KSR2: variants seen among roughly 807,000 people sequenced by gnomAD.
The protein encoded by KSR2 is kinase suppressor of ras 2.
KSR2 carries 25 observed loss-of-function variants against 107.8 expected under a neutral mutation model. That is an observed-to-expected ratio of 0.23 (90% CI 0.17 to 0.32). The LOEUF (loss-of-function observed/expected upper bound fraction) is 0.32, where lower values mean the gene tolerates loss of function less well. Ranked by LOEUF, KSR2 falls within the 10% of genes least tolerant of loss-of-function variation. KSR2 has a pLI of 1.00. For missense variants in KSR2, 887 were observed against 1,268.9 expected (o/e 0.70, Z 4.57); for synonymous variants, 480 against 507.0 (o/e 0.95, Z 0.71).
intron 3 of KSR2, among the ~76,000 whole-genome samples, chr12:117,792,665 G>C: frequency 6.6e-6 from 1 of 152,212 alleles, no homozygotes; most frequent in East Asian, 1.9e-4. Context: ...CCCTGTGTCT[G>C]AATCATCCTA....
At chr12:117,610,694 G>A (rs142569112) in intron 5 of KSR2, among the ~76,000 whole-genome samples, 1,935 of 144,144 alleles carry the variant, frequency 0.013, 34 homozygotes, top group East Asian at 0.095. Context: ...AGCCATGATT[G>A]CACCACTGCA....
chr12:117,791,392 C>CA (rs1165179564), intron 3 of KSR2, among the ~76,000 whole-genome samples: 1 of 152,148 alleles, frequency 6.6e-6, no homozygotes, highest in African/African-American at 2.4e-5. Context: ...CCAGTTTATT[C>CA]ATTTACTATC....
intron 4 of KSR2, among the ~76,000 whole-genome samples, chr12:117,687,136 G>T (rs1198241397): frequency 2.6e-5 from 4 of 152,186 alleles, no homozygotes; most frequent in African/African-American, 7.2e-5. Flanking sequence ...CTTCCAGCAC[G>T]ACCTTGGGCA....
intron 5 of KSR2, among the ~76,000 whole-genome samples, chr12:117,644,706 G>C (rs1593085981): frequency 6.6e-6 from 1 of 152,168 alleles, no homozygotes; most frequent in African/African-American, 2.4e-5. Context: ...GACACTCTCT[G>C]AAAGTACAAT....
intron 9 of KSR2, among the ~76,000 whole-genome samples, chr12:117,553,493 G>A (rs749362749): frequency 2.0e-5 from 3 of 152,120 alleles, no homozygotes; most frequent in Non-Finnish European, 2.9e-5. Flanking sequence ...TGGGAAGGGG[G>A]CAATCCTCTC....
At chr12:117,599,591 C>G (rs1189743769) in intron 5 of KSR2, among the ~76,000 whole-genome samples, 1 of 152,114 alleles carries the variant, frequency 6.6e-6, no homozygotes, top group Non-Finnish European at 1.5e-5. Context: ...CATTGTAAGA[C>G]AGTCAGCAGC....
chr12:117,869,805 A>C (rs1338431394), intron 1 of KSR2, among the ~76,000 whole-genome samples: 1 of 152,232 alleles, frequency 6.6e-6, no homozygotes, highest in Non-Finnish European at 1.5e-5. Context: ...CAACGACAAT[A>C]AAGCATTTTC....
intron 4 of KSR2, among the ~76,000 whole-genome samples, chr12:117,700,147 C>T (rs1329754267): frequency 2.0e-5 from 3 of 152,158 alleles, no homozygotes; most frequent in Non-Finnish European, 4.4e-5. Flanking sequence ...TTCCAAAGCA[C>T]TCCATTATAA....
intron 1 of KSR2, among the ~76,000 whole-genome samples, chr12:117,876,302 T>C (rs1168974623): frequency 6.6e-6 from 1 of 152,216 alleles, no homozygotes; most frequent in Non-Finnish European, 1.5e-5. Flanking sequence ...AATCCCCTGC[T>C]GAGGGAGGGC....
rs1245017935 is a variant in KSR2, at chr12:117,968,127, G to C, written c.129C>G (p.Thr43=). The change falls in exon 1 of 20, where the codon ACC becomes ACG. Residue 43 remains threonine (T), a synonymous_variant. Transcript: ENST00000339824. Reference sequence around the variant, plus strand: ...TGAGGTCGTTGGAGGTAGCACATTTGGTCCTAAGCCCTTCCAGGTTGGAGA... The same window carrying C: ...TGAGGTCGTTGGAGGTAGCACATTTCGTCCTAAGCCCTTCCAGGTTGGAGA... The part of the protein sequence containing the change: ...LSISNLEGLR[T]KCATSNDLTQ... 6.3e-7 allele frequency: 1 copy of C among 1,581,598 alleles called. No homozygotes were observed. The highest frequency in any genetic ancestry group is 1.4e-5 in the African/African-American group (1 of 71,136).
chr12:117,676,155 C>G (rs999261430), intron 4 of KSR2, among the ~76,000 whole-genome samples: 7 of 152,200 alleles, frequency 4.6e-5, no homozygotes, highest in African/African-American at 1.7e-4. Context: ...AGCAAAGCCC[C>G]ATTAAGTGTA....
Position 117,525,157 on chromosome 12 carries a change from G to C in KSR2, c.1914C>G (p.Ser638=). Residue 638 remains serine, a synonymous_variant, in exon 14 of 20, where the codon TCC becomes TCG. Coordinates refer to ENST00000339824, the MANE Select transcript of KSR2 (RefSeq NM_173598.6). ...SEDDFEEMNL[S]LLSARSFPRK... ...GTGGGAAGCTCCGGGCCGAGAGGAGGGACAGGTTCATCTCCTCGAAGTCAT... is the reference window on the plus strand; with the variant it reads ...GTGGGAAGCTCCGGGCCGAGAGGAGCGACAGGTTCATCTCCTCGAAGTCAT... 1 of 1,613,888 alleles carries C rather than the reference G, an allele frequency of 6.2e-7. No homozygotes were observed. The highest frequency in any genetic ancestry group is 2.2e-5 in the East Asian group (1 of 44,862).
chr12:117,636,378 GAT>G (rs10540372), intron 5 of KSR2, among the ~76,000 whole-genome samples: 16,177 of 150,484 alleles, frequency 0.11, 975 homozygotes, highest in African/African-American at 0.15. Context: ...TGTATATGGA[GAT>G]ATATATATAT....
chr12:117,522,435 A>C (rs1188264858), intron 14 of KSR2, among the ~76,000 whole-genome samples: 1 of 152,182 alleles, frequency 6.6e-6, no homozygotes, highest in Non-Finnish European at 1.5e-5. Context: ...ACCACCCTCC[A>C]ACCAGACTTG....
intron 10 of KSR2, among the ~76,000 whole-genome samples, chr12:117,535,317 T>G (rs1222818066): frequency 1.3e-5 from 2 of 152,218 alleles, no homozygotes; most frequent in East Asian, 3.8e-4. Flanking sequence ...TGTTGGGCTT[T>G]GAATGTGGAG....
intron 9 of KSR2, among the ~76,000 whole-genome samples, chr12:117,549,464 T>G (rs995037312): frequency 6.6e-6 from 1 of 152,134 alleles, no homozygotes; most frequent in Non-Finnish European, 1.5e-5. Flanking sequence ...AGGCTTGTGC[T>G]TCTACATGGA....
chr12:117,776,698 C>A (rs1260275879), intron 3 of KSR2, among the ~76,000 whole-genome samples: 3 of 151,978 alleles, frequency 2.0e-5, no homozygotes, highest in African/African-American at 7.3e-5. Context: ...AGGCACAATA[C>A]CCTGAACATC....
chr12:117,692,636 A>AAT (rs1383671725), intron 4 of KSR2, among the ~76,000 whole-genome samples: 1 of 151,892 alleles, frequency 6.6e-6, no homozygotes, highest in Non-Finnish European at 1.5e-5. Context: ...CAGTAGCTAA[A>AAT]ATATGGAAAC....
intron 1 of KSR2, among the ~76,000 whole-genome samples, chr12:117,862,531 C>T (rs1382076251): frequency 6.6e-6 from 1 of 151,860 alleles, no homozygotes; most frequent in African/African-American, 2.4e-5. Context: ...AATAAAAATC[C>T]TCACTCAGGA....
Sources: allele counts gnomAD v4.1 joint callset (sites outside exome capture counted in the v4.1 genomes callset), GRCh38; gene constraint gnomAD v4.1.1; transcripts MANE v1.5; gene names NCBI Gene and HGNC (gene_info 2026-07-23, HGNC 2026-07-21).